Variants in CNTN5 observed in about 807,000 individuals in gnomAD.
The protein encoded by CNTN5 is contactin-5.
A neutral mutation model predicts 129.1 loss-of-function variants in CNTN5; 77 were observed. That is an observed-to-expected ratio of 0.60 (90% CI 0.50 to 0.72). The LOEUF (loss-of-function observed/expected upper bound fraction) is 0.72. Ranked by LOEUF, CNTN5 falls within the 30% of genes least tolerant of loss-of-function variation. CNTN5 has a pLI of 0.00. For missense variants in CNTN5, 1,478 were observed against 1,328.8 expected, an observed-to-expected ratio of 1.11 and a Z score of -1.75; for synonymous variants, 509 against 465.6, an observed-to-expected ratio of 1.09 and a Z score of -1.20.
intron 1 of CNTN5, chr11:99,120,407 A>G (rs980817800): frequency 6.6e-6 from 1 of 152,168 alleles, no homozygotes; most frequent in Admixed American, 6.6e-5. Flanking sequence ...GCCTGCTACA[A>G]CCTCCAAACA....
intron 1 of CNTN5, among the ~76,000 whole-genome samples, chr11:99,038,842 G>A (rs1424858410): frequency 2.0e-5 from 3 of 151,454 alleles, no homozygotes; most frequent in African/African-American, 7.3e-5. Flanking sequence ...ATTTTATAAT[G>A]AAAGATGTAT....
chr11:99,473,982 T>G (rs1014359994), intron 2 of CNTN5, among the ~76,000 whole-genome samples: 1 of 152,028 alleles, frequency 6.6e-6, no homozygotes, highest in Non-Finnish European at 1.5e-5. Context: ...GGCTACTACT[T>G]TTTACATAAA....
intron 1 of CNTN5, among the ~76,000 whole-genome samples, chr11:99,190,901 G>T (rs1785112084): frequency 6.6e-6 from 1 of 151,460 alleles, no homozygotes; most frequent in Non-Finnish European, 1.5e-5. Context: ...TAGTGAGAAT[G>T]GGCATCCTTG....
intron 2 of CNTN5, among the ~76,000 whole-genome samples, chr11:99,376,545 G>T (rs1234099930): frequency 6.6e-6 from 1 of 152,152 alleles, no homozygotes; most frequent in Non-Finnish European, 1.5e-5. Context: ...AGTTATCTCA[G>T]ATGTCTAACA....
At position 100,255,898 on chromosome 11, in the gene CNTN5, G is replaced by T. The variant is rs1368313695; in HGVS notation, c.2144G>T (p.Gly715Val). The change falls in exon 17 of 25, where the codon GGC (glycine) becomes GTC (valine). Residue 715 changes from glycine to valine, a missense_variant. Gly to Val is a moderately radical substitution (Grantham distance 109). Transcript: ENST00000524871. ...NLQARSPFSL[G>V]WQTVKTVPEI... is the part of the protein sequence containing the mutation. ...CAAGCTCGCAGCCCATTTTCCCTGG[G>T]CTGGCAAACAGTAAAGACAGGTAAG... is the stretch of plus-strand genomic sequence containing the variant. 1.2e-6 allele frequency: 2 copies of T among 1,613,858 alleles called. No individual in the cohort carries two copies. Among genetic ancestry groups the T allele is most frequent in the Admixed American group, 1.7e-5 (1 of 60,002 alleles).
chr11:99,734,508 A>T (rs1469616675), intron 3 of CNTN5, among the ~76,000 whole-genome samples: 1 of 151,956 alleles, frequency 6.6e-6, no homozygotes, highest in Middle Eastern at 3.4e-3. Context: ...GTCATAAGTG[A>T]CTCCATTTTG....
chr11:100,120,869 A>G (rs986477280), intron 13 of CNTN5, among the ~76,000 whole-genome samples: 3 of 152,020 alleles, frequency 2.0e-5, no homozygotes, highest in Non-Finnish European at 4.4e-5. Flanking sequence ...ATTTTATTGT[A>G]ATAGCATCTA....
In CNTN5 at chr11:100,070,459, CAGTT is replaced by C. The variant is rs1565212152; in HGVS notation, c.1201_1204del (p.Leu401ThrfsTer23). ...CTGGGTAGAAAAACTGAATGATACT[CAGTT>C]AGACAGTGGGAGCCCTCTCCGATGG... On this transcript the variant is annotated frameshift_variant, in exon 11 of 25. Transcript: ENST00000524871. LOFTEE classifies it high-confidence loss of function. 5.6e-6 allele frequency: 9 copies of C among 1,612,460 alleles called. No individual in the cohort carries two copies. The highest frequency in any genetic ancestry group is 2.2e-5 in the South Asian group (2 of 90,914).
intron 2 of CNTN5, among the ~76,000 whole-genome samples, chr11:99,339,137 T>C (rs1245845767): frequency 6.6e-6 from 1 of 151,626 alleles, no homozygotes; most frequent in Non-Finnish European, 1.5e-5. Flanking sequence ...CAACATCTTA[T>C]GTACTCCATA....
chr11:99,200,776 C>A (rs933398358), intron 1 of CNTN5, among the ~76,000 whole-genome samples: 2 of 152,116 alleles, frequency 1.3e-5, no homozygotes, highest in African/African-American at 4.8e-5. Flanking sequence ...TCTACACAGT[C>A]CAATCAAGGA....
At chr11:99,418,278 A>T (rs1230110863) in intron 2 of CNTN5, among the ~76,000 whole-genome samples, 1 of 152,118 alleles carries the variant, frequency 6.6e-6, no homozygotes, top group Non-Finnish European at 1.5e-5. Context: ...GAAAACAACA[A>T]CTTTAAAAAA....
intron 2 of CNTN5, among the ~76,000 whole-genome samples, chr11:99,333,024 A>G (rs189567093): frequency 2.0e-5 from 3 of 152,168 alleles, no homozygotes; most frequent in East Asian, 1.9e-4. Context: ...TGATAATTTC[A>G]TGTGTGAAAA....
intron 17 of CNTN5, among the ~76,000 whole-genome samples, chr11:100,269,243 A>G (rs1439607019): frequency 6.6e-6 from 1 of 152,218 alleles, no homozygotes; most frequent in Non-Finnish European, 1.5e-5. Flanking sequence ...TTTCAGTAAC[A>G]GAGACCATTC....
At chr11:100,175,853 G>A (rs1947947959) in intron 13 of CNTN5, among the ~76,000 whole-genome samples, 1 of 152,032 alleles carries the variant, frequency 6.6e-6, no homozygotes, top group Non-Finnish European at 1.5e-5. Context: ...TTTATTATTA[G>A]CAGAAACATT....
intron 3 of CNTN5, among the ~76,000 whole-genome samples, chr11:99,740,703 G>T (rs1208914127): frequency 6.6e-6 from 1 of 152,170 alleles, no homozygotes; most frequent in African/African-American, 2.4e-5. Context: ...ATCAGAGGTT[G>T]CAGCAACTCA....
chr11:99,216,205 G>T (rs572505989), intron 1 of CNTN5, among the ~76,000 whole-genome samples: 2 of 152,102 alleles, frequency 1.3e-5, no homozygotes, highest in African/African-American at 4.8e-5. Context: ...ATCTTCATAA[G>T]TCCAGTATTT....
intron 3 of CNTN5, among the ~76,000 whole-genome samples, chr11:99,618,203 A>G (rs1391917198): frequency 6.6e-6 from 1 of 152,176 alleles, no homozygotes; most frequent in East Asian, 1.9e-4. Context: ...TATTAAGACT[A>G]TATTAGATGT....
intron 15 of CNTN5, among the ~76,000 whole-genome samples, chr11:100,215,107 C>G (rs1414800186): frequency 3.9e-5 from 6 of 152,186 alleles, no homozygotes; most frequent in Non-Finnish European, 5.9e-5. Flanking sequence ...GTTAAAATAA[C>G]TGGAAATGTC....
chr11:99,610,581 A>T (rs938221493), intron 3 of CNTN5, among the ~76,000 whole-genome samples: 18 of 152,324 alleles, frequency 1.2e-4, no homozygotes, highest in African/African-American at 4.3e-4. Context: ...GGATGGTGAC[A>T]TTTATATAAT....
Sources: allele counts gnomAD v4.1 joint callset (sites outside exome capture counted in the v4.1 genomes callset), GRCh38; gene constraint gnomAD v4.1.1; transcripts MANE v1.5; gene names NCBI Gene and HGNC (gene_info 2026-07-23, HGNC 2026-07-21).